The following TPCN1 variants were observed in gnomAD, a reference collection of about 807,000 sequenced individuals.
TPCN1 encodes two pore segment channel 1.
Under a neutral mutation model 108.8 loss-of-function variants are expected in TPCN1, and 52 were observed. The ratio of observed to expected loss-of-function variants is 0.48; its 90% CI spans 0.38 to 0.60. TPCN1 has a LOEUF of 0.60. Among genes scored for constraint, TPCN1 ranks in the 20% least tolerant of loss-of-function variants. The pLI is 0.00. For synonymous variants in TPCN1, 446 were observed against 433.7 expected, an observed-to-expected ratio of 1.03 and a Z score of -0.35; for missense variants, 806 against 1,072.8, an observed-to-expected ratio of 0.75 and a Z score of 3.47.
chr12:113,284,514 G>A lies in TPCN1; in HGVS notation c.1343-67G>A. 6.3e-7 allele frequency: 1 copy of A among 1,587,008 alleles called. No individual in the cohort carries two copies. Among genetic ancestry groups the A allele is most frequent in the Non-Finnish European group, 8.6e-7 (1 of 1,157,086 alleles). Reference sequence around the variant, plus strand: ...TCCAGGAAGTTAACCAGGGACTTCAGCTGCGACCTGCAGATTTCTAAGCCC... The same window carrying A: ...TCCAGGAAGTTAACCAGGGACTTCAACTGCGACCTGCAGATTTCTAAGCCC... On this transcript the variant is annotated intron_variant, in intron 15 of 27. Coordinates refer to ENST00000335509, the MANE Select transcript of TPCN1 (RefSeq NM_017901.6). This position sits in a 1 kb window ranked among gnomAD's most constrained non-coding sequence, Gnocchi z 4.1.
chr12:113,273,549 G>A lies in TPCN1; in HGVS notation c.843-20G>A, dbSNP rs1329614987. The A allele has an allele frequency of 3.8e-6, 6 of 1,598,294 alleles. No individual in the cohort carries two copies. Among genetic ancestry groups the A allele is most frequent in the Non-Finnish European group, 5.1e-6 (6 of 1,165,672 alleles). On this transcript the variant is annotated intron_variant, in intron 9 of 27. Coordinates refer to ENST00000335509, the MANE Select transcript of TPCN1 (RefSeq NM_017901.6). The surrounding 1 kb of genome is among the most constrained non-coding windows in gnomAD (Gnocchi z 4.0). The stretch of plus-strand genomic sequence containing the variant: ...GAGACAGGCAGATACAGCACGCCGG[G>A]TCACCCTCTGCAAATACAGTTTCCC...
chr12:113,285,792 C>A, intron 17 of TPCN1, 97 bp from the exon 18 acceptor site: 1 of 1,062,882 alleles, frequency 9.4e-7, no homozygotes, highest in Non-Finnish European at 1.5e-6. Flanking sequence ...TTATGGCCAG[C>A]AGGGAGGCTG....
intron 3 of TPCN1, among the ~76,000 whole-genome samples, chr12:113,261,405 G>T: frequency 7.4e-6 from 1 of 134,676 alleles, no homozygotes. Flanking sequence ...TTTTTTCATA[G>T]CATAAGCTTT....
chr12:113,245,580 G>A (rs374486277), intron 2 of TPCN1, among the ~76,000 whole-genome samples: 8 of 108,110 alleles, frequency 7.4e-5, no homozygotes, highest in African/African-American at 2.0e-4. Flanking sequence ...CAGCCTGGGC[G>A]ACAGAGCAAG....
chr12:113,225,670 T>G (rs1347946309), intron 1 of TPCN1, among the ~76,000 whole-genome samples: 1 of 152,170 alleles, frequency 6.6e-6, no homozygotes, highest in Non-Finnish European at 1.5e-5. Flanking sequence ...TTCTCCTGCC[T>G]CAGCTTCTTG....
chr12:113,243,764 T>TAAATAA (rs769490034), intron 2 of TPCN1, among the ~76,000 whole-genome samples: 1 of 151,914 alleles, frequency 6.6e-6, no homozygotes, highest in African/African-American at 2.4e-5. Context: ...CAAAAATAAA[T>TAAATAA]AAATAAAAAT....
At chr12:113,283,308 T>C (rs1343750200) in intron 15 of TPCN1, among the ~76,000 whole-genome samples, 1 of 152,170 alleles carries the variant, frequency 6.6e-6, no homozygotes, top group Non-Finnish European at 1.5e-5. Context: ...ACCTGGCTTT[T>C]TGCAGTTAAC....
chr12:113,260,172 C>T, intron 2 of TPCN1, 196 bp from the exon 3 acceptor site: 1 of 512,614 alleles, frequency 2.0e-6, no homozygotes, highest in Non-Finnish European at 3.2e-6. Context: ...TTTCACTTAT[C>T]AAGAGAAAGG....
chr12:113,293,443 A>G (rs1004626403), intron 27 of TPCN1, 94 bp downstream of exon 27: 1 of 1,211,186 alleles, frequency 8.3e-7, no homozygotes, highest in Non-Finnish European at 1.2e-6. Context: ...GTAGAGGGAG[A>G]AGGCTGGTAG....
chr12:113,272,604 GT>G lies in TPCN1; in HGVS notation c.749-50del. On this transcript the variant is annotated intron_variant, in intron 7 of 27. Coordinates refer to ENST00000335509, the MANE Select transcript of TPCN1 (RefSeq NM_017901.6). This position sits in a 1 kb window ranked among gnomAD's most constrained non-coding sequence, Gnocchi z 4.1. ...ATTTGTCCAGTCCTTTTGACACCAG[GT>G]TTTGGGACCTCTGCTCTAATCCTTT... 6.4e-7 allele frequency: 1 copy of G among 1,554,610 alleles called. No individual in the cohort carries two copies. Among genetic ancestry groups the G allele is most frequent in the South Asian group, 1.1e-5 (1 of 89,832 alleles).
intron 2 of TPCN1, among the ~76,000 whole-genome samples, chr12:113,241,099 T>C (rs1406018184): frequency 6.6e-6 from 1 of 152,214 alleles, no homozygotes; most frequent in Non-Finnish European, 1.5e-5. Context: ...TGTATTTTCC[T>C]TTATTCACAA....
At position 113,260,383 on chromosome 12, in the gene TPCN1, C is replaced by A. The variant is rs997224649; in HGVS notation, c.128C>A (p.Ala43Asp). The change falls in exon 3 of 28, where the codon GCC (alanine) becomes GAC (aspartate). Residue 43 changes from alanine (A) to aspartate (D), a missense_variant. Coordinates refer to ENST00000335509, the MANE Select transcript of TPCN1 (RefSeq NM_017901.6). ...TCCAATGCAGATGGCGGCAGCTATG[C>A]CATCCACGACTCCCAGGCCCCCAGT... The part of the protein sequence containing the change: ...ELPSKNGGSY[A>D]IHDSQAPSLS... 2 of 1,501,946 alleles carry A rather than the reference C, an allele frequency of 1.3e-6. No homozygotes were observed. Among genetic ancestry groups the A allele is most frequent in the African/African-American group, 2.9e-5 (2 of 68,140 alleles). The allele number at this position is 1,501,946 out of a possible 1,614,324, so 93.0% of individuals were successfully genotyped here. A position where few individuals can be genotyped will look rare whatever the true frequency, so the allele number is the denominator to read the frequency against.
rs573826709 is a variant in TPCN1, at chr12:113,252,306, C to T, written c.113-8062C>T. Among the ~76,000 whole-genome samples, 7 of 152,240 alleles carry T rather than the reference C, an allele frequency of 4.6e-5. No individual in the cohort carries two copies. The East Asian group carries it at 7.7e-4, about 17-fold the overall frequency. ...GAATGGCCTGCACCGTGGGACGCGT[C>T]GGGCCACCTGGTCCCAGGGATGCTG... On this transcript the variant is annotated intron_variant, in intron 2 of 27. Transcript: ENST00000335509.
Position 113,284,658 on chromosome 12 carries a change from G to T in TPCN1, c.1399+21G>T. The T allele has an allele frequency of 6.2e-7, 1 of 1,614,212 alleles. No homozygotes were observed. ...GAAAGGTGAGCCCCGCTCAGGGACT[G>T]GCCGTGTCCTGGCCGGCACACCTGG... On this transcript the variant is annotated intron_variant, in intron 16 of 27. Coordinates refer to ENST00000335509, the MANE Select transcript of TPCN1 (RefSeq NM_017901.6). The surrounding 1 kb of genome is among the most constrained non-coding windows in gnomAD (Gnocchi z 4.1).
At chr12:113,285,433 T>A (rs914443274) in intron 17 of TPCN1, among the ~76,000 whole-genome samples, 17 of 152,184 alleles carry the variant, frequency 1.1e-4, no homozygotes, top group Non-Finnish European at 2.5e-4. Flanking sequence ...TGCAGTGGCG[T>A]GATCATAGCT....
chr12:113,290,292 T>C (rs1956224320), intron 22 of TPCN1, 49 bp downstream of exon 22: 4 of 1,250,568 alleles, frequency 3.2e-6, no homozygotes, highest in Non-Finnish European at 4.6e-6. Flanking sequence ...ACCCCACCCT[T>C]GTCACCCTTG....
At chr12:113,257,309 T>C (rs1287260499) in intron 2 of TPCN1, among the ~76,000 whole-genome samples, 1 of 152,042 alleles carries the variant, frequency 6.6e-6, no homozygotes, top group Non-Finnish European at 1.5e-5. Context: ...CTGGCCAACA[T>C]GGTGAAACGT....
chr12:113,273,283 A>G lies in TPCN1; in HGVS notation c.835A>G (p.Thr279Ala). 6.2e-7 allele frequency: 1 copy of G among 1,614,252 alleles called. No individual in the cohort carries two copies. The highest frequency in any genetic ancestry group is 8.5e-7 in the Non-Finnish European group (1 of 1,180,038). The change falls in exon 9 of 28, where the codon ACA becomes GCA. Residue 279 changes from threonine to alanine, a missense_variant. Physicochemically the swap from Thr to Ala is moderately conservative, Grantham distance 58 (BLOSUM62 0). Coordinates refer to ENST00000335509, the MANE Select transcript of TPCN1 (RefSeq NM_017901.6). This position sits in a 1 kb window ranked among gnomAD's most constrained non-coding sequence, Gnocchi z 4.0. ...SIVSLFVLLTTANFPDVMMPS... is the reference protein window; with the variant it reads ...SIVSLFVLLTAANFPDVMMPS... ...CGTCAGTCTGTTTGTCCTTCTGACC[A>G]CAGCCAAGTAAGTGCAGGCTCTGCC...
chr12:113,241,812 C>T (rs1439693088), intron 2 of TPCN1, among the ~76,000 whole-genome samples: 6 of 139,570 alleles, frequency 4.3e-5, no homozygotes, highest in Non-Finnish European at 3.2e-5. Context: ...GTGTATGAGA[C>T]AGCAGGAAGC....
Sources: gnomAD v4.1 joint callset for allele counts (sites outside exome capture counted in the v4.1 genomes callset) on GRCh38, gnomAD v4.1.1 for gene constraint, Gnocchi (gnomAD v3.1) non-coding constraint, MANE v1.5 for transcripts, NCBI Gene and HGNC (gene_info 2026-07-23, HGNC 2026-07-21) for gene names.